RXRG: variants seen among roughly 807,000 people sequenced by gnomAD.
The protein encoded by RXRG is retinoic acid receptor RXR-gamma.
Under a neutral mutation model 49.2 loss-of-function variants are expected in RXRG, and 19 were observed. The observed-to-expected ratio is 0.39, with a 90% CI of 0.27 to 0.57. The LOEUF is 0.57. Ranked by LOEUF, RXRG falls within the 20% of genes least tolerant of loss-of-function variation. The pLI is 0.64. For missense variants in RXRG, 452 were observed against 592.5 expected, an observed-to-expected ratio of 0.76 and a Z score of 2.46; for synonymous variants, 224 against 216.6, an observed-to-expected ratio of 1.03 and a Z score of -0.30.
intron 1 of RXRG, among the ~76,000 whole-genome samples, chr1:165,438,825 AC>A (rs1185013222): frequency 6.6e-6 from 1 of 152,198 alleles, no homozygotes; most frequent in Non-Finnish European, 1.5e-5. Context: ...CATGGTATAA[AC>A]TAGTTTGTAT....
At position 165,406,596 on chromosome 1, in the gene RXRG, C is replaced by T. The variant is rs183492033; in HGVS notation, c.1244+216G>A. 2.7e-4 allele frequency among the ~76,000 whole-genome samples: 41 copies of T among 152,342 alleles called. 1 individual carries two copies. In the East Asian group the frequency reaches 7.5e-3, roughly 28 times the overall value. On this transcript the variant is annotated intron_variant, in intron 9 of 9. Coordinates refer to ENST00000359842, the MANE Select transcript of RXRG (RefSeq NM_006917.5). ...AAAGATGTGTACTATGTGTCGGGCACTATTTTACGTGTTGAGGCTAGAGGA... is the reference window on the plus strand; with the variant it reads ...AAAGATGTGTACTATGTGTCGGGCATTATTTTACGTGTTGAGGCTAGAGGA...
rs1374738890 is a variant in RXRG, at chr1:165,428,791, A to G, written c.225T>C (p.Ser75=). The G allele has an allele frequency of 6.2e-7, 1 of 1,613,728 alleles. No homozygotes were observed. Among genetic ancestry groups the G allele is most frequent in the East Asian group, 2.2e-5 (1 of 44,850 alleles). Reference sequence around the variant, plus strand: ...GTGCTCCTGAGGGTGGGCCCATGGCAGAGGTGATGACTCGATATGGAGAGC... The same window carrying G: ...GTGCTCCTGAGGGTGGGCCCATGGCGGAGGTGATGACTCGATATGGAGAGC... ...ALGSPYRVIT[S]AMGPPSGALA... The change falls in exon 2 of 10, where the codon TCT becomes TCC. Residue 75 remains serine, a synonymous_variant. Coordinates refer to ENST00000359842, the MANE Select transcript of RXRG (RefSeq NM_006917.5).
intron 2 of RXRG, chr1:165,424,850 A>T (rs41419946): frequency 0.075 from 73,434 of 985,328 alleles, 2,866 homozygotes; most frequent in African/African-American, 0.096. Flanking sequence ...ATCTGCCCAG[A>T]CGATCCAGAG....
Position 165,411,079 on chromosome 1 carries a change from T to C in RXRG, c.653A>G (p.Glu218Gly), listed in dbSNP as rs747666608. 6.2e-7 allele frequency: 1 copy of C among 1,614,094 alleles called. No individual in the cohort carries two copies. Among genetic ancestry groups the C allele is most frequent in the Non-Finnish European group, 8.5e-7 (1 of 1,179,982 alleles). Reference protein sequence around the residue: ...AVQEERQRSRERAESEAECAT... With the variant: ...AVQEERQRSRGRAESEAECAT... ...ACATTCTGCCTCACTCTCAGCTCGCTCTCGGCTCCTCTGTCTTTCTTCTTG... is the reference window on the plus strand; with the variant it reads ...ACATTCTGCCTCACTCTCAGCTCGCCCTCGGCTCCTCTGTCTTTCTTCTTG... Residue 218 changes from glutamate to glycine, a missense_variant, in exon 5 of 10, where the codon GAG (glutamate) becomes GGG (glycine). Glu to Gly is a moderately conservative substitution (Grantham distance 98). Transcript: ENST00000359842.
chr1:165,424,939 G>T, intron 2 of RXRG: 1 of 985,516 alleles, frequency 1.0e-6, no homozygotes, highest in Non-Finnish European at 1.2e-6. Context: ...CTGCAGTGTG[G>T]TTCCGGAGCC....
At position 165,409,037 on chromosome 1, in the gene RXRG, G is replaced by C. The variant is rs566568506; in HGVS notation, c.1046+521C>G. The stretch of plus-strand genomic sequence containing the variant: ...GTATCATTTAAGGCACAGAATTTCT[G>C]TCAGGGTATCCCTGCCTGACGAAGA... On this transcript the variant is annotated intron_variant, in intron 7 of 9. Coordinates refer to ENST00000359842, the MANE Select transcript of RXRG (RefSeq NM_006917.5). Among the ~76,000 whole-genome samples the C allele has an allele frequency of 2.8e-3, 420 of 152,222 alleles. 2 individuals carry two copies. The highest frequency in any genetic ancestry group is 4.6e-3 in the Non-Finnish European group (311 of 68,012).
chr1:165,432,456 G>T (rs1033126915), intron 1 of RXRG, among the ~76,000 whole-genome samples: 7 of 152,168 alleles, frequency 4.6e-5, no homozygotes, highest in Non-Finnish European at 8.8e-5. Context: ...TTTGCTTTTA[G>T]ACAAGTTAGA....
At chr1:165,425,801 A>G (rs1157826239) in intron 2 of RXRG, among the ~76,000 whole-genome samples, 2 of 152,228 alleles carry the variant, frequency 1.3e-5, no homozygotes, top group African/African-American at 4.8e-5. Context: ...CGTCTATGAC[A>G]GCACACAGAC....
At chr1:165,417,691 A>C (rs1658170967) in intron 3 of RXRG, among the ~76,000 whole-genome samples, 2 of 152,230 alleles carry the variant, frequency 1.3e-5, no homozygotes, top group Non-Finnish European at 2.9e-5. Flanking sequence ...ACCATAAACT[A>C]TGAACAGAAT....
chr1:165,429,099 C>T, intron 1 of RXRG, 133 bp from the exon 2 acceptor site: 1 of 942,784 alleles, frequency 1.1e-6, no homozygotes. Flanking sequence ...CCTGTAAGCC[C>T]TAGGTGCTCT....
chr1:165,433,040 C>T (rs1658718249), intron 1 of RXRG, among the ~76,000 whole-genome samples: 1 of 152,168 alleles, frequency 6.6e-6, no homozygotes, highest in South Asian at 2.1e-4. Flanking sequence ...TAAGAGAGGA[C>T]TTCAGTGAAC....
rs1659119973 is a variant in RXRG at position 165,445,070 on chromosome 1, T to C, written c.-177A>G. The C allele has an allele frequency of 3.2e-6, 2 of 623,868 alleles. No homozygotes were observed. The highest frequency in any genetic ancestry group is 5.5e-5 in the East Asian group (2 of 36,574). 38.6% of individuals were successfully genotyped at this position (623,868 alleles called of 1,614,324 possible). A position where few individuals can be genotyped will look rare whatever the true frequency, so the allele number is the denominator to read the frequency against. ...CTCTGGGATTAGTCAGGAATCTGCC[T>C]CTAGATCGGAGAGTCCACATAGTGC... On this transcript the variant is annotated 5_prime_UTR_variant, in exon 1 of 10. Coordinates refer to ENST00000359842, the MANE Select transcript of RXRG (RefSeq NM_006917.5).
chr1:165,417,066 G>T lies in RXRG; in HGVS notation c.597C>A (p.Cys199Ter). Residue 199 changes from cysteine (C) to a stop codon, truncating the protein, a stop_gained, in exon 4 of 10, where the codon TGC (cysteine) becomes TGA (stop). Transcript: ENST00000359842. LOFTEE classifies it high-confidence loss of function. The stretch of plus-strand genomic sequence containing the variant: ...CTTCCCTCTTCATGCCCATGACAAG[G>T]CACTTCTGATAGCGACAGTACTGGC... ...NRCQYCRYQK[C>*]LVMGMKREAV... 6.2e-7 allele frequency: 1 copy of T among 1,613,908 alleles called. No individual in the cohort carries two copies. Among genetic ancestry groups the T allele is most frequent in the Non-Finnish European group, 8.5e-7 (1 of 1,179,904 alleles).
chr1:165,416,578 G>A (rs145629890), intron 4 of RXRG, among the ~76,000 whole-genome samples: 145 of 152,272 alleles, frequency 9.5e-4, no homozygotes, highest in South Asian at 7.5e-3. Flanking sequence ...CCTACAGTTT[G>A]CCCCAGAGAG....
At chr1:165,427,130 C>T (rs1658511034) in intron 2 of RXRG, among the ~76,000 whole-genome samples, 1 of 152,190 alleles carries the variant, frequency 6.6e-6, no homozygotes, top group Non-Finnish European at 1.5e-5. Flanking sequence ...ACACCCAGAA[C>T]AATGTTTAAC....
intron 1 of RXRG, among the ~76,000 whole-genome samples, chr1:165,436,416 T>C (rs1434693845): frequency 6.6e-6 from 1 of 152,206 alleles, no homozygotes; most frequent in Non-Finnish European, 1.5e-5. Flanking sequence ...AAATCAAGCC[T>C]GGAAAATTGT....
At chr1:165,406,373 G>T (rs1657750158) in intron 9 of RXRG, among the ~76,000 whole-genome samples, 1 of 152,206 alleles carries the variant, frequency 6.6e-6, no homozygotes, top group African/African-American at 2.4e-5. Flanking sequence ...TATGGGGGCA[G>T]ACCAGAAAGC....
At chr1:165,443,884 T>C (rs902475963) in intron 1 of RXRG, among the ~76,000 whole-genome samples, 1 of 152,210 alleles carries the variant, frequency 6.6e-6, no homozygotes, top group Non-Finnish European at 1.5e-5. Context: ...TATAAGAATT[T>C]CTGCTGTCTT....
chr1:165,428,937 T>C lies in RXRG; in HGVS notation c.79A>G (p.Met27Val), dbSNP rs574623447. Residue 27 changes from methionine to valine, a missense_variant, in exon 2 of 10, where the codon ATG (methionine) becomes GTG (valine). This residue lies in a region of RXRG where 166 missense variants were observed against 151.7 expected (regional missense o/e 1.09). Transcript: ENST00000359842. ...GSPGHTGSTS[M>V]SPSAALSTGK... The stretch of plus-strand genomic sequence containing the variant: ...GTGGACAAGGCTGCTGATGGGCTCA[T>C]GGATGTAGAGCCAGTGTGGCCAGGG... 1 of 1,613,478 alleles carries C rather than the reference T, an allele frequency of 6.2e-7. No homozygotes were observed. The highest frequency in any genetic ancestry group is 8.5e-7 in the Non-Finnish European group (1 of 1,179,860).
Sources: allele counts gnomAD v4.1 joint callset (sites outside exome capture counted in the v4.1 genomes callset), GRCh38; gene constraint gnomAD v4.1.1; regional missense constraint gnomAD v4.1.1; transcripts MANE v1.5; gene names NCBI Gene and HGNC (gene_info 2026-07-23, HGNC 2026-07-21).